Variants in IFT43 observed in about 807,000 individuals in gnomAD.
The protein encoded by IFT43 is intraflagellar transport protein 43 homolog.
A neutral mutation model predicts 32.3 loss-of-function variants in IFT43; 33 were observed. That is an observed-to-expected ratio of 1.02 (90% CI 0.77 to 1.37). The LOEUF is 1.37. Ranked by LOEUF, IFT43 falls within the 40% of genes most tolerant of loss-of-function variation. The pLI is 0.00. For synonymous variants in IFT43, 93 were observed against 98.2 expected, an observed-to-expected ratio of 0.95 and a Z score of 0.31; for missense variants, 274 against 265.9, an observed-to-expected ratio of 1.03 and a Z score of -0.21.
At chr14:76,054,469 G>A (rs1383167793) in intron 3 of IFT43, among the ~76,000 whole-genome samples, 1 of 152,212 alleles carries the variant, frequency 6.6e-6, no homozygotes, top group Non-Finnish European at 1.5e-5. Flanking sequence ...TCTAGTTTCA[G>A]CCTCATCACT....
rs532893390 is a variant in IFT43, at chr14:76,044,322, G to A, written c.216-14320G>A. On this transcript the variant is annotated intron_variant, in intron 3 of 8. Coordinates refer to ENST00000314067, the MANE Select transcript of IFT43 (RefSeq NM_001102564.3). ...CCCAAAGTGTCGGGATTACAGGCGT[G>A]AGCCACCATGCCAGGCCACAAAGCA... 6.6e-5 allele frequency among the ~76,000 whole-genome samples: 10 copies of A among 152,272 alleles called. No individual in the cohort carries two copies. The South Asian group carries it at 1.5e-3, about 22-fold the overall frequency.
Position 75,985,864 on chromosome 14 carries a change from G to T in IFT43, c.54+24G>T, listed in dbSNP as rs755664387. ...CCGTGAGGACCAATTCGGGGGCCTT[G>T]GGGGCCAGGATTTGGCGGGTGGGGA... On this transcript the variant is annotated intron_variant, in intron 1 of 8. Transcript: ENST00000314067. 8 of 1,613,084 alleles carry T rather than the reference G, an allele frequency of 5.0e-6. No homozygotes were observed. The South Asian group carries it at 8.8e-5, about 18-fold the overall frequency.
At chr14:75,999,281 A>ATATATATATATATATATATAT (rs1566699821) in intron 2 of IFT43, among the ~76,000 whole-genome samples, 1 of 39,064 alleles carries the variant, frequency 2.6e-5, no homozygotes, top group Non-Finnish European at 4.6e-5. Flanking sequence ...ATGTATATAT[A>ATATATATATATATATATATAT]TTTTTTTTTT....
At chr14:76,033,351 G>C (rs931743153) in intron 3 of IFT43, among the ~76,000 whole-genome samples, 1 of 152,218 alleles carries the variant, frequency 6.6e-6, no homozygotes, top group African/African-American at 2.4e-5. Context: ...CAGGATACTG[G>C]AGGGATAGAA....
intron 2 of IFT43, among the ~76,000 whole-genome samples, chr14:76,006,774 A>C (rs2139911872): frequency 6.6e-6 from 1 of 152,278 alleles, no homozygotes; most frequent in Admixed American, 6.5e-5. Context: ...TGCTTTTTGA[A>C]ATATTAACAG....
At chr14:75,991,374 T>A (rs1046661459) in intron 2 of IFT43, among the ~76,000 whole-genome samples, 18 of 144,938 alleles carry the variant, frequency 1.2e-4, no homozygotes, top group Admixed American at 3.6e-4. Context: ...TATATATATA[T>A]AAATATTAAC....
chr14:75,999,252 TATATATATATATATATATA>T (rs2035818694), intron 2 of IFT43, among the ~76,000 whole-genome samples: 18 of 11,436 alleles, frequency 1.6e-3, no homozygotes, highest in African/African-American at 5.7e-3. Flanking sequence ...TATATATATA[TATATATATATATATATATA>T]TGTATATATA....
intron 5 of IFT43, among the ~76,000 whole-genome samples, chr14:76,070,181 G>T (rs763225400): frequency 6.6e-6 from 1 of 152,196 alleles, no homozygotes; most frequent in South Asian, 2.1e-4. Context: ...TGAGATGCTA[G>T]GCTGTCAATG....
In IFT43 at chr14:76,022,208, A is replaced by G. The variant is rs2058941; in HGVS notation, c.148-119A>G. 1 allele frequency: 840,876 copies of G among 844,012 alleles called. 418,882 individuals are homozygous for G. The highest frequency in any genetic ancestry group is 1 in the Middle Eastern group (3,174 of 3,174). The allele number at this position is 844,012 out of a possible 1,614,324, so 52.3% of individuals were successfully genotyped here. ...GGAGGTTCCAGTGAGCTGAGGTCGC[A>G]CCACTGCACTCCAGCCTGGGTGACA... is the stretch of plus-strand genomic sequence containing the variant. On this transcript the variant is annotated intron_variant, in intron 2 of 8. Coordinates refer to ENST00000314067, the MANE Select transcript of IFT43 (RefSeq NM_001102564.3).
At chr14:76,083,162 T>G in intron 7 of IFT43, 65 bp from the exon 8 acceptor site, 101 of 1,581,934 alleles carry the variant, frequency 6.4e-5, no homozygotes, top group Non-Finnish European at 8.1e-5. Flanking sequence ...CCCGGTTTTG[T>G]GAGAAAGAGT....
At chr14:75,995,604 C>T (rs1335591506) in intron 2 of IFT43, among the ~76,000 whole-genome samples, 10 of 152,192 alleles carry the variant, frequency 6.6e-5, no homozygotes, top group Non-Finnish European at 1.0e-4. Context: ...TTACGTCTCT[C>T]GCCCTCCGCC....
At chr14:76,040,964 G>A (rs1453217178) in intron 3 of IFT43, among the ~76,000 whole-genome samples, 3 of 152,220 alleles carry the variant, frequency 2.0e-5, no homozygotes. Context: ...ACCTCTAAGG[G>A]CCCAAGTCAG....
At chr14:76,025,658 CT>C (rs1199831336) in intron 3 of IFT43, among the ~76,000 whole-genome samples, 1 of 151,966 alleles carries the variant, frequency 6.6e-6, no homozygotes, top group Non-Finnish European at 1.5e-5. Context: ...GACCATATAC[CT>C]GCAACTATCT....
intron 2 of IFT43, among the ~76,000 whole-genome samples, chr14:76,007,863 G>A (rs1477333228): frequency 2.6e-5 from 4 of 152,158 alleles, no homozygotes; most frequent in Non-Finnish European, 5.9e-5. Context: ...GACCCAAAAG[G>A]ATGTAATTGA....
intron 2 of IFT43, chr14:76,014,074 G>T: frequency 3.6e-6 from 1 of 277,288 alleles, no homozygotes; most frequent in Non-Finnish European, 7.4e-6. Context: ...GTACTCTAAG[G>T]ACTGTAAAAA....
chr14:76,078,157 T>A (rs1291521824), intron 5 of IFT43, among the ~76,000 whole-genome samples: 2 of 152,252 alleles, frequency 1.3e-5, no homozygotes, highest in Non-Finnish European at 2.9e-5. Flanking sequence ...GCTGTGTTAT[T>A]TGCGAATTCT....
intron 3 of IFT43, among the ~76,000 whole-genome samples, chr14:76,033,885 G>A (rs555851255): frequency 6.6e-6 from 1 of 152,316 alleles, no homozygotes; most frequent in South Asian, 2.1e-4. Context: ...CTGGTGATGG[G>A]ATATCAGAAG....
At chr14:76,073,058 A>G (rs1034804724) in intron 5 of IFT43, among the ~76,000 whole-genome samples, 1 of 152,182 alleles carries the variant, frequency 6.6e-6, no homozygotes, top group East Asian at 1.9e-4. Flanking sequence ...TTGACCAGAA[A>G]GAAAGAGAGG....
At chr14:76,007,115 T>C (rs146738416) in intron 2 of IFT43, among the ~76,000 whole-genome samples, 1 of 152,314 alleles carries the variant, frequency 6.6e-6, no homozygotes, top group East Asian at 1.9e-4. Flanking sequence ...TGCTCTGGCC[T>C]TCCAAAATTT....
Sources: gnomAD v4.1 joint callset for allele counts (sites outside exome capture counted in the v4.1 genomes callset) on GRCh38, gnomAD v4.1.1 for gene constraint, MANE v1.5 for transcripts, NCBI Gene and HGNC (gene_info 2026-07-23, HGNC 2026-07-21) for gene names.